Variants in RCC1 observed in about 807,000 individuals in gnomAD.
The protein encoded by RCC1 is regulator of chromosome condensation.
In RCC1, 11 loss-of-function variants were observed where a neutral mutation model predicts 44.4. That is an observed-to-expected ratio of 0.25 (90% CI 0.16 to 0.41). RCC1 has a LOEUF of 0.41. Among genes scored for constraint, RCC1 ranks in the 10% least tolerant of loss-of-function variants. RCC1 has a pLI of 1.00. For synonymous variants in RCC1, 213 were observed against 216.5 expected (o/e 0.98, Z 0.14); for missense variants, 386 against 547.1 (o/e 0.71, Z 2.94).
intron 3 of RCC1, among the ~76,000 whole-genome samples, chr1:28,514,233 G>A (rs1045060344): frequency 9.9e-5 from 15 of 151,314 alleles, no homozygotes; most frequent in Non-Finnish European, 1.5e-4. Context: ...GGCGGATCAC[G>A]AGATCAGGAG....
intron 3 of RCC1, among the ~76,000 whole-genome samples, chr1:28,512,015 C>T (rs1662581572): frequency 2.0e-5 from 3 of 147,966 alleles, no homozygotes; most frequent in African/African-American, 5.0e-5. Context: ...GTCTTTGCCT[C>T]CCAGGCTGGA....
At chr1:28,519,693 C>A (rs749552616) in intron 4 of RCC1, among the ~76,000 whole-genome samples, 1 of 151,362 alleles carries the variant, frequency 6.6e-6, no homozygotes, top group African/African-American at 2.4e-5. Flanking sequence ...GCCTGCTGAG[C>A]AGCTGAGACT....
chr1:28,536,071 TC>T lies in RCC1; in HGVS notation c.817+47del. ...TCAGGCATGACCCAGTGGCCTGCGT[TC>T]CTGTCCTGGCTCTGCCACTCATTCA... On this transcript the variant is annotated intron_variant, in intron 10 of 12. Transcript: ENST00000683442. This position sits in a 1 kb window ranked among gnomAD's most constrained non-coding sequence, Gnocchi z 4.9. 2 of 1,569,748 alleles carry T rather than the reference TC, an allele frequency of 1.3e-6. No individual in the cohort carries two copies. Among genetic ancestry groups the T allele is most frequent in the Non-Finnish European group, 1.7e-6 (2 of 1,156,064 alleles).
At chr1:28,507,069 G>T in intron 1 of RCC1, 1 of 188,694 alleles carries the variant, frequency 5.3e-6, no homozygotes, top group Non-Finnish European at 1.1e-5. Flanking sequence ...GAGCCATCGT[G>T]CCTGGCCGAT....
At chr1:28,532,815 T>C in intron 7 of RCC1, 1 of 441,184 alleles carries the variant, frequency 2.3e-6, no homozygotes, top group South Asian at 1.6e-5. Flanking sequence ...GTTGTTGTTG[T>C]TGTTTTTGTA....
intron 5 of RCC1, 59 bp from the exon 6 acceptor site, chr1:28,531,744 T>C: frequency 1.4e-6 from 2 of 1,411,254 alleles, no homozygotes; most frequent in Non-Finnish European, 1.9e-6. Context: ...CCAGAGCCTG[T>C]GACCTCTCCT....
chr1:28,532,093 T>A (rs911031283), intron 6 of RCC1, 78 bp from the exon 7 acceptor site: 5 of 1,572,140 alleles, frequency 3.2e-6, no homozygotes, highest in Non-Finnish European at 4.3e-6. Context: ...TGGAGCTGGC[T>A]AGTCAAGTGG....
Position 28,536,499 on chromosome 1 carries a change from C to A in RCC1, c.937+118C>A. 1 of 1,323,462 alleles carries A rather than the reference C, an allele frequency of 7.6e-7. No individual in the cohort carries two copies. Among genetic ancestry groups the A allele is most frequent in the Non-Finnish European group, 1.0e-6 (1 of 965,976 alleles). The allele number at this position is 1,323,462 out of a possible 1,614,324, so 82.0% of individuals were successfully genotyped here. A position where few individuals can be genotyped will look rare whatever the true frequency, so the allele number is the denominator to read the frequency against. ...GGTCTGTTCCATGGGTTGTACCATA[C>A]ATGGGTCCATGAGAGTCACTCTCAT... On this transcript the variant is annotated intron_variant, in intron 11 of 12. Transcript: ENST00000683442. The surrounding 1 kb of genome is among the most constrained non-coding windows in gnomAD (Gnocchi z 4.9).
At chr1:28,507,280 G>A (rs1662035160) in intron 1 of RCC1, 1 of 489,716 alleles carries the variant, frequency 2.0e-6, no homozygotes, top group Non-Finnish European at 4.1e-6. Context: ...AAACTCGTTT[G>A]CTTTCTTGTT....
chr1:28,536,725 ATC>A lies in RCC1; in HGVS notation c.938-15_938-14del. 1 of 1,612,458 alleles carries A rather than the reference ATC, an allele frequency of 6.2e-7. No individual in the cohort carries two copies. Among genetic ancestry groups the A allele is most frequent in the Non-Finnish European group, 8.5e-7 (1 of 1,178,984 alleles). ...TGTAGCACGCCCTCTGCTATTGCTCATCTCTCTCCCTCCTCCCATAGGAAAAG... is the reference window on the plus strand; with the variant it reads ...TGTAGCACGCCCTCTGCTATTGCTCATCTCTCCCTCCTCCCATAGGAAAAG... On this transcript the variant is annotated intron_variant, in intron 11 of 12. Transcript: ENST00000683442. The surrounding 1 kb of genome is among the most constrained non-coding windows in gnomAD (Gnocchi z 4.9).
chr1:28,536,676 A>C lies in RCC1; in HGVS notation c.938-71A>C, dbSNP rs1570228121. 1.3e-6 allele frequency: 2 copies of C among 1,561,832 alleles called. No individual in the cohort carries two copies. The highest frequency in any genetic ancestry group is 1.2e-5 in the South Asian group (1 of 84,732). ...CACACTCCCATGGACAGGTGGACTC[A>C]CCTAGCCTGCCACCCATTTTGCCTG... is the stretch of plus-strand genomic sequence containing the variant. On this transcript the variant is annotated intron_variant, in intron 11 of 12. Transcript: ENST00000683442. The surrounding 1 kb of genome is among the most constrained non-coding windows in gnomAD (Gnocchi z 4.9).
intron 4 of RCC1, among the ~76,000 whole-genome samples, chr1:28,522,545 C>T (rs754273815): frequency 2.7e-5 from 4 of 149,320 alleles, no homozygotes; most frequent in Non-Finnish European, 2.9e-5. Context: ...TGGTACCTCA[C>T]GCCTATAATC....
rs548355288 is a variant in RCC1 at position 28,516,708 on chromosome 1, A to C, written c.-152-17A>C. 56 of 365,448 alleles carry C rather than the reference A, an allele frequency of 1.5e-4. No homozygotes were observed. The highest frequency in any genetic ancestry group is 1.2e-3 in the African/African-American group (55 of 46,332). 22.6% of individuals were successfully genotyped at this position (365,448 alleles called of 1,614,324 possible). ...TAGGCAATAATAATAATAATCACTT[A>C]TTATTATTACATGAAGCTACATGAA... On this transcript the variant is annotated splice_polypyrimidine_tract_variant and intron_variant, in intron 3 of 12. Coordinates refer to ENST00000683442, the MANE Select transcript of RCC1 (RefSeq NM_001381865.2).
chr1:28,529,921 A>G lies in RCC1; in HGVS notation c.55A>G (p.Lys19Glu). 1 of 1,613,922 alleles carries G rather than the reference A, an allele frequency of 6.2e-7. No individual in the cohort carries two copies. The highest frequency in any genetic ancestry group is 8.5e-7 in the Non-Finnish European group (1 of 1,179,924). The change falls in exon 5 of 13, where the codon AAA becomes GAA. Residue 19 changes from lysine to glutamate, a missense_variant. Physicochemically the swap from Lys to Glu is moderately conservative, Grantham distance 56 (BLOSUM62 1). Coordinates refer to ENST00000683442, the MANE Select transcript of RCC1 (RefSeq NM_001381865.2). ...GTCCCCCCCAGCAGATGCCATCCCC[A>G]AAAGCAAGAAGGTGAAGGGTAAGTT... ...RRSPPADAIP[K>E]SKKVKVSHRS...
At chr1:28,509,241 G>A (rs988905855) in intron 3 of RCC1, 7 of 243,166 alleles carry the variant, frequency 2.9e-5, no homozygotes, top group Non-Finnish European at 4.9e-5. Context: ...AAGTGACTCT[G>A]CTTGGCCAGA....
chr1:28,530,466 C>A, intron 5 of RCC1: 1 of 1,497,784 alleles, frequency 6.7e-7, no homozygotes, highest in Non-Finnish European at 9.1e-7. Context: ...GAAAAGCCAG[C>A]ACCAAACTGG....
intron 3 of RCC1, among the ~76,000 whole-genome samples, chr1:28,511,797 A>G (rs1055845201): frequency 1.3e-5 from 2 of 151,040 alleles, no homozygotes; most frequent in African/African-American, 4.9e-5. Context: ...AGTAGCTGGG[A>G]TTACAGGCGC....
intron 9 of RCC1, 152 bp from the exon 10 acceptor site, chr1:28,535,719 T>G: frequency 3.4e-6 from 3 of 893,694 alleles, no homozygotes; most frequent in Non-Finnish European, 5.5e-6. Flanking sequence ...ACTTGTATTC[T>G]CTTGATCTCA....
chr1:28,535,585 C>T (rs1237188545), intron 9 of RCC1: 1 of 846,488 alleles, frequency 1.2e-6, no homozygotes, highest in South Asian at 1.4e-5. Context: ...ACTAAGTCTA[C>T]CTACCTGTAA....
Sources: gnomAD v4.1 joint callset for allele counts (sites outside exome capture counted in the v4.1 genomes callset) on GRCh38, gnomAD v4.1.1 for gene constraint, Gnocchi (gnomAD v3.1) non-coding constraint, MANE v1.5 for transcripts, NCBI Gene and HGNC (gene_info 2026-07-23, HGNC 2026-07-21) for gene names.